The following GGTA1 variants were observed in gnomAD, a reference collection of about 807,000 sequenced individuals.
The protein encoded by GGTA1 is inactive N-acetyllactosaminide alpha-1,3-galactosyltransferase.
A neutral mutation model predicts 2.6 loss-of-function variants in GGTA1; 5 were observed. The ratio of observed to expected loss-of-function variants is 1.92; its 90% CI spans 1.00 to 4.04. GGTA1 has a LOEUF of 4.04. GGTA1 is among the 30% of genes most tolerant of loss of function. GGTA1 has a pLI of 0.00. For missense variants in GGTA1, 50 were observed against 16.7 expected (o/e 2.99, Z -3.47); for synonymous variants, 17 against 5.0 (o/e 3.38, Z -3.19).
chr9:121,463,825 G>A (rs542787514), intron 2 of GGTA1, among the ~76,000 whole-genome samples: 11 of 152,248 alleles, frequency 7.2e-5, no homozygotes, highest in Non-Finnish European at 1.0e-4. Context: ...CGGAAATGCC[G>A]TGGCCCAGAC....
chr9:121,446,074 C>G (rs2064851118), exon 8 of GGTA1: 1 of 152,188 alleles, frequency 6.6e-6, no homozygotes, highest in East Asian at 1.9e-4. Context: ...CGTTCAAGTC[C>G]CTGAACATAG....
At chr9:121,475,104 G>A (rs118049682) in intron 1 of GGTA1, among the ~76,000 whole-genome samples, 2,158 of 152,198 alleles carry the variant, frequency 0.014, 26 homozygotes, top group Non-Finnish European at 0.02. Flanking sequence ...GATGAAACCG[G>A]AAACCAGCAC....
intron 1 of GGTA1, among the ~76,000 whole-genome samples, chr9:121,470,338 G>A (rs1828363138): frequency 6.6e-6 from 1 of 152,188 alleles, no homozygotes; most frequent in Admixed American, 6.5e-5. Context: ...GCAGTCAGGT[G>A]GACAATTGTA....
At chr9:121,448,006 G>C (rs750461337) in intron 7 of GGTA1, among the ~76,000 whole-genome samples, 13 of 152,138 alleles carry the variant, frequency 8.5e-5, no homozygotes, top group Non-Finnish European at 1.9e-4. Flanking sequence ...GCTTAGTACA[G>C]GATCTATTCT....
At position 121,481,101 on chromosome 9, in the gene GGTA1, C is replaced by T. The variant is rs993768913; in HGVS notation, c.-9-13170G>A. 4.9e-5 allele frequency among the ~76,000 whole-genome samples: 7 copies of T among 144,194 alleles called. 1 individual carries two copies. Among genetic ancestry groups the T allele is most frequent in the Admixed American group, 3.6e-4 (5 of 13,772 alleles). 94.6% of individuals were successfully genotyped at this position (144,194 alleles called of 152,430 possible). ...CCAGGAGGCGGAGCTTGCAGTGAGC[C>T]GAGATCGCGCCACTGCACTCCAGCC... On this transcript the variant is annotated intron_variant, in intron 1 of 5. Coordinates refer to ENST00000481799, the MANE Select transcript of GGTA1 (RefSeq NM_001382585.1).
intron 1 of GGTA1, among the ~76,000 whole-genome samples, chr9:121,483,914 A>G (rs1828703547): frequency 6.6e-6 from 1 of 152,222 alleles, no homozygotes; most frequent in Non-Finnish European, 1.5e-5. Context: ...AATCCTAAAC[A>G]TGTTTAGAGA....
At chr9:121,483,272 T>A (rs945380108) in intron 1 of GGTA1, among the ~76,000 whole-genome samples, 1 of 152,186 alleles carries the variant, frequency 6.6e-6, no homozygotes, top group African/African-American at 2.4e-5. Flanking sequence ...GGACCTCTTT[T>A]CGTTGGAGCC....
At chr9:121,470,616 A>T (rs1828367990) in intron 1 of GGTA1, among the ~76,000 whole-genome samples, 1 of 152,260 alleles carries the variant, frequency 6.6e-6, no homozygotes, top group Non-Finnish European at 1.5e-5. Flanking sequence ...ATAAATTATG[A>T]CAGTGAAAGA....
Position 121,463,336 on chromosome 9 carries a change from CA to C in GGTA1, c.81-9del, listed in dbSNP as rs1564652414. 1 of 446,692 alleles carries C rather than the reference CA, an allele frequency of 2.2e-6. No individual in the cohort carries two copies. Among genetic ancestry groups the C allele is most frequent in the Admixed American group, 2.5e-5 (1 of 39,780 alleles). 27.7% of individuals were successfully genotyped at this position (446,692 alleles called of 1,614,324 possible). On this transcript the variant is annotated splice_polypyrimidine_tract_variant and intron_variant, in intron 2 of 5. Transcript: ENST00000481799. ...AAGAAAGAGCCTTCTGTGCTAAAAG[CA>C]AAAAAGAAATAAAAACATATCATGT...
intron 2 of GGTA1, among the ~76,000 whole-genome samples, chr9:121,467,612 G>C (rs930236436): frequency 2.6e-5 from 4 of 152,146 alleles, no homozygotes; most frequent in African/African-American, 9.7e-5. Flanking sequence ...CAAAAATTAT[G>C]ATATTAGGAA....
rs147687378 is a variant in GGTA1 at position 121,485,918 on chromosome 9, T to C, written c.-10+13732A>G. 1.1e-4 allele frequency among the ~76,000 whole-genome samples: 16 copies of C among 152,278 alleles called. 1 individual carries two copies. In the East Asian group the frequency reaches 2.7e-3, roughly 26 times the overall value. ...CTAGCTCACCCATTCTAAGATTATA[T>C]AATCTCAAAACAACAACACCACCAC... On this transcript the variant is annotated intron_variant, in intron 1 of 5. Coordinates refer to ENST00000481799, the MANE Select transcript of GGTA1 (RefSeq NM_001382585.1).
intron 3 of GGTA1, among the ~76,000 whole-genome samples, chr9:121,462,397 G>A (rs1163387299): frequency 6.6e-6 from 1 of 152,106 alleles, no homozygotes; most frequent in African/African-American, 2.4e-5. Flanking sequence ...TGGGGAAAGA[G>A]GAAAGTCCGA....
chr9:121,479,510 C>T (rs1828587671), intron 1 of GGTA1, among the ~76,000 whole-genome samples: 1 of 152,114 alleles, frequency 6.6e-6, no homozygotes, highest in South Asian at 2.1e-4. Context: ...GGCCCAGCCT[C>T]CTTGCCAAGC....
intron 7 of GGTA1, among the ~76,000 whole-genome samples, chr9:121,448,034 A>G (rs1329864994): frequency 6.6e-6 from 1 of 152,202 alleles, no homozygotes; most frequent in Non-Finnish European, 1.5e-5. Context: ...AGAGGCCTGT[A>G]GGTGCCTGGA....
At chr9:121,496,387 G>T (rs1828992537) in intron 1 of GGTA1, among the ~76,000 whole-genome samples, 1 of 151,894 alleles carries the variant, frequency 6.6e-6, no homozygotes, top group Non-Finnish European at 1.5e-5. Context: ...TCCCTATTCT[G>T]CCCTGACTCA....
intron 2 of GGTA1, among the ~76,000 whole-genome samples, chr9:121,464,522 T>A (rs1420376512): frequency 6.6e-6 from 1 of 151,768 alleles, no homozygotes; most frequent in Non-Finnish European, 1.5e-5. Flanking sequence ...AGACGGGGTT[T>A]CACCACGTTG....
intron 1 of GGTA1, among the ~76,000 whole-genome samples, chr9:121,496,608 T>C (rs1828996888): frequency 7.1e-6 from 1 of 141,668 alleles, no homozygotes; most frequent in African/African-American, 2.5e-5. Flanking sequence ...GGCAGGTGCC[T>C]GTAATCCCAG....
chr9:121,484,443 C>G (rs1236120656), intron 1 of GGTA1, among the ~76,000 whole-genome samples: 3 of 151,960 alleles, frequency 2.0e-5, no homozygotes, highest in Non-Finnish European at 4.4e-5. Context: ...ACTACCATGC[C>G]CAGCTAATTT....
At chr9:121,473,974 A>G (rs923661617) in intron 1 of GGTA1, among the ~76,000 whole-genome samples, 2 of 146,626 alleles carry the variant, frequency 1.4e-5, no homozygotes, top group Non-Finnish European at 1.5e-5. Context: ...GGAGGGAGGG[A>G]GAGAGAGAGA....
Sources: allele counts gnomAD v4.1 joint callset (sites outside exome capture counted in the v4.1 genomes callset), GRCh38; gene constraint gnomAD v4.1.1; transcripts MANE v1.5; gene names NCBI Gene and HGNC (gene_info 2026-07-23, HGNC 2026-07-21).